Variants in EPDR1 observed in about 807,000 individuals in gnomAD.
The protein encoded by EPDR1 is ependymin related 1.
EPDR1 carries 27 observed loss-of-function variants against 23.7 expected under a neutral mutation model. The observed-to-expected ratio is 1.14, with a 90% CI of 0.84 to 1.57. EPDR1 has a LOEUF of 1.57. EPDR1 is among the 40% of genes most tolerant of loss of function. EPDR1 has a pLI of 0.00. For missense variants in EPDR1, 349 were observed against 290.4 expected, an observed-to-expected ratio of 1.20 and a Z score of -1.47; for synonymous variants, 137 against 118.2, an observed-to-expected ratio of 1.16 and a Z score of -1.03.
At chr7:37,938,578 A>G (rs184284066) in intron 1 of EPDR1, among the ~76,000 whole-genome samples, 14 of 152,342 alleles carry the variant, frequency 9.2e-5, no homozygotes, top group Admixed American at 7.2e-4. Context: ...TTGAGCATCC[A>G]GAGAAACTTA....
Position 37,948,820 on chromosome 7 carries a change from T to A in EPDR1, c.270-20T>A. ...TGGTAACATGAAGTCCCAAACTACTTCTTTCCATCTGTGTTTCAGATTATT... is the reference window on the plus strand; with the variant it reads ...TGGTAACATGAAGTCCCAAACTACTACTTTCCATCTGTGTTTCAGATTATT... On this transcript the variant is annotated intron_variant, in intron 1 of 2. Coordinates refer to ENST00000199448, the MANE Select transcript of EPDR1 (RefSeq NM_017549.5). 2 of 1,608,404 alleles carry A rather than the reference T, an allele frequency of 1.2e-6. No homozygotes were observed. The highest frequency in any genetic ancestry group is 2.2e-5 in the South Asian group (2 of 90,948).
chr7:37,936,361 A>G (rs529204106), intron 1 of EPDR1, among the ~76,000 whole-genome samples: 1 of 152,092 alleles, frequency 6.6e-6, no homozygotes, highest in Admixed American at 6.5e-5. Context: ...CAACCTGTGT[A>G]GTTCTTAATT....
At chr7:37,929,996 A>T (rs1035599419) in intron 1 of EPDR1, among the ~76,000 whole-genome samples, 5 of 152,250 alleles carry the variant, frequency 3.3e-5, no homozygotes, top group Admixed American at 3.3e-4. Context: ...GATCCTTAGC[A>T]GGGTGCCTAA....
At chr7:37,945,485 C>T (rs182433600) in intron 1 of EPDR1, among the ~76,000 whole-genome samples, 184 of 152,206 alleles carry the variant, frequency 1.2e-3, no homozygotes, top group Non-Finnish European at 2.3e-3. Flanking sequence ...AAGCATACGG[C>T]TACTAATAAT....
At chr7:37,942,952 T>C (rs1372917303) in intron 1 of EPDR1, among the ~76,000 whole-genome samples, 1 of 152,180 alleles carries the variant, frequency 6.6e-6, no homozygotes, top group Non-Finnish European at 1.5e-5. Flanking sequence ...CTTTGTCCCA[T>C]ATGGTGAGAA....
In EPDR1 at chr7:37,950,285, T is replaced by C. The variant is rs751660134; in HGVS notation, c.564T>C (p.Ser188=). The change falls in exon 3 of 3, where the codon TCT becomes TCC. Residue 188 remains serine, a synonymous_variant. Coordinates refer to ENST00000199448, the MANE Select transcript of EPDR1 (RefSeq NM_017549.5). ...CCATAAACTACAGTGTGATATTGTC[T>C]ACGCGGTTTTTTGACATCCAGCTGG... ...TFTINYSVIL[S]TRFFDIQLGI... is the part of the protein sequence containing the mutation. The C allele has an allele frequency of 6.2e-7, 1 of 1,614,134 alleles. No homozygotes were observed. Among genetic ancestry groups the C allele is most frequent in the South Asian group, 1.1e-5 (1 of 91,076 alleles).
At chr7:37,943,797 T>C (rs1006379719) in intron 1 of EPDR1, among the ~76,000 whole-genome samples, 11 of 152,340 alleles carry the variant, frequency 7.2e-5, no homozygotes, top group South Asian at 6.2e-4. Context: ...TAACATTTCA[T>C]AGTGATTGTT....
Position 37,921,279 on chromosome 7 carries a change from C to T in EPDR1, c.269+71C>T, listed in dbSNP as rs1214135592. 67 of 1,501,344 alleles carry T rather than the reference C, an allele frequency of 4.5e-5. No homozygotes were observed. In the Middle Eastern group the frequency reaches 8.3e-4, roughly 19 times the overall value. 93.0% of individuals were successfully genotyped at this position (1,501,344 alleles called of 1,614,324 possible). A position where few individuals can be genotyped will look rare whatever the true frequency, so the allele number is the denominator to read the frequency against. The stretch of plus-strand genomic sequence containing the variant: ...CATGGGGAGGGCGAGGTCGCAGAGG[C>T]CTGCGCCCTGTAACTCTTTCCGGCC... On this transcript the variant is annotated intron_variant, in intron 1 of 2. Coordinates refer to ENST00000199448, the MANE Select transcript of EPDR1 (RefSeq NM_017549.5).
intron 1 of EPDR1, among the ~76,000 whole-genome samples, chr7:37,932,863 T>C (rs2132006803): frequency 1.3e-5 from 2 of 152,358 alleles, no homozygotes; most frequent in African/African-American, 4.8e-5. Context: ...ATTGCCAATA[T>C]TCATCCAGAT....
chr7:37,921,406 G>C lies in EPDR1; in HGVS notation c.269+198G>C, dbSNP rs893616092. The C allele has an allele frequency of 2.9e-6, 4 of 1,391,584 alleles. No individual in the cohort carries two copies. The East Asian group carries it at 1.2e-4, about 41-fold the overall frequency. 86.2% of individuals were successfully genotyped at this position (1,391,584 alleles called of 1,614,324 possible). ...GAGGGGCGCTGCGCCCACCGAGGGC[G>C]GCCTGCTGGCGGGGGACTCAGTAAC... On this transcript the variant is annotated intron_variant, in intron 1 of 2. Coordinates refer to ENST00000199448, the MANE Select transcript of EPDR1 (RefSeq NM_017549.5).
chr7:37,946,198 T>G (rs2132019059), intron 1 of EPDR1, among the ~76,000 whole-genome samples: 1 of 152,330 alleles, frequency 6.6e-6, no homozygotes, highest in South Asian at 2.1e-4. Flanking sequence ...AACACAGGTA[T>G]GCATGTATCT....
At chr7:37,926,094 A>C (rs62443114) in intron 1 of EPDR1, among the ~76,000 whole-genome samples, 3,305 of 152,286 alleles carry the variant, frequency 0.022, 84 homozygotes, top group East Asian at 0.089. Flanking sequence ...GTGTTGGTCC[A>C]AGTATCAGCT....
Position 37,937,505 on chromosome 7 carries a change from G to GA in EPDR1, c.270-11328dup, listed in dbSNP as rs1237282072. Among the ~76,000 whole-genome samples the GA allele has an allele frequency of 6.6e-5, 10 of 152,196 alleles. No homozygotes were observed. In the South Asian group the frequency reaches 2.1e-3, roughly 32 times the overall value. ...AATGATCTATAGAAAATAGAGAAGA[G>GA]AAAAAAATTCTGATGTGCAGAGAAA... is the stretch of plus-strand genomic sequence containing the variant. On this transcript the variant is annotated intron_variant, in intron 1 of 2. Transcript: ENST00000199448.
chr7:37,931,413 C>G (rs1048778349), intron 1 of EPDR1, among the ~76,000 whole-genome samples: 2 of 152,006 alleles, frequency 1.3e-5, no homozygotes, highest in African/African-American at 4.8e-5. Context: ...ACCCAGGAGG[C>G]TGAGGCAGGA....
At chr7:37,921,503 C>A in intron 1 of EPDR1, 1 of 1,332,134 alleles carries the variant, frequency 7.5e-7, no homozygotes, top group Non-Finnish European at 9.6e-7. Flanking sequence ...TGCCCCATGC[C>A]CAGGTTCGCC....
At chr7:37,943,499 G>T (rs1371583353) in intron 1 of EPDR1, among the ~76,000 whole-genome samples, 1 of 152,082 alleles carries the variant, frequency 6.6e-6, no homozygotes, top group Non-Finnish European at 1.5e-5. Context: ...CTGTTAATAT[G>T]TTCACATAAA....
In EPDR1 at chr7:37,920,788, G is replaced by T; in HGVS notation, c.-152G>T. On this transcript the variant is annotated 5_prime_UTR_variant, in exon 1 of 3. Transcript: ENST00000199448. ...ACTCGCGCGTCCGGATCTCAAAAGC[G>T]GCAGAGGCCACCGAAGGGACAGGAA... The T allele has an allele frequency of 7.5e-6, 12 of 1,610,070 alleles. No individual in the cohort carries two copies. The highest frequency in any genetic ancestry group is 9.3e-6 in the Non-Finnish European group (11 of 1,178,016).
At chr7:37,921,256 TG>T in intron 1 of EPDR1, 48 bp downstream of exon 1, 2 of 1,535,374 alleles carry the variant, frequency 1.3e-6, no homozygotes, top group Non-Finnish European at 8.7e-7. Context: ...CGCGCGGGCA[TG>T]GGGAGGGCGA....
intron 1 of EPDR1, among the ~76,000 whole-genome samples, chr7:37,943,147 A>G (rs1786203205): frequency 6.6e-6 from 1 of 152,198 alleles, no homozygotes; most frequent in Non-Finnish European, 1.5e-5. Context: ...CCTGGCCAGC[A>G]AGGAGGCGAA....
Sources: allele counts gnomAD v4.1 joint callset (sites outside exome capture counted in the v4.1 genomes callset), GRCh38; gene constraint gnomAD v4.1.1; transcripts MANE v1.5; gene names NCBI Gene and HGNC (gene_info 2026-07-23, HGNC 2026-07-21).